Variants in ONECUT3 observed in about 807,000 individuals in gnomAD.
ONECUT3 encodes one cut domain family member 3.
A neutral mutation model predicts 16.8 loss-of-function variants in ONECUT3; 11 were observed. The observed-to-expected ratio is 0.66, with a 90% confidence interval of 0.41 to 1.09. The LOEUF is 1.09. Among genes scored for constraint, ONECUT3 ranks in the 50% least tolerant of loss-of-function variants. The pLI is 0.00. For missense variants in ONECUT3, 637 were observed against 629.9 expected, an observed-to-expected ratio of 1.01 and a Z score of -0.12; for synonymous variants, 344 against 310.7, an observed-to-expected ratio of 1.11 and a Z score of -1.13.
rs990617498 is a variant in ONECUT3, at chr19:1,762,919, A to G, written c.1192+8065A>G. Among the ~76,000 whole-genome samples the G allele has an allele frequency of 1.4e-4, 21 of 152,100 alleles. No individual in the cohort carries two copies. Among genetic ancestry groups the G allele is most frequent in the Non-Finnish European group, 8.8e-5 (6 of 68,000 alleles). On this transcript the variant is annotated intron_variant, in intron 1 of 1. Coordinates refer to ENST00000382349, the MANE Select transcript of ONECUT3 (RefSeq NM_001080488.2). The surrounding 1 kb of genome is among the most constrained non-coding windows in gnomAD (Gnocchi z 4.4). ...CTTGTTTTTGCTCCCTGGTTCCCTA[A>G]AATATTCTACATTCTTTTGGCCCGG... is the stretch of plus-strand genomic sequence containing the variant.
In ONECUT3 at chr19:1,770,171, T is replaced by C. The variant is rs1039143159; in HGVS notation, c.1193-4982T>C. Among the ~76,000 whole-genome samples, 9 of 152,308 alleles carry C rather than the reference T, an allele frequency of 5.9e-5. No individual in the cohort carries two copies. The East Asian group carries it at 1.2e-3, about 20-fold the overall frequency. On this transcript the variant is annotated intron_variant, in intron 1 of 1. Coordinates refer to ENST00000382349, the MANE Select transcript of ONECUT3 (RefSeq NM_001080488.2). The stretch of plus-strand genomic sequence containing the variant: ...ACTTTGGGAAGCTGAAGCTAGAGGA[T>C]TGCTTGAACCCAGGAGTTAGAGACC...
chr19:1,763,856 C>T (rs2067962450), intron 1 of ONECUT3, among the ~76,000 whole-genome samples: 1 of 151,878 alleles, frequency 6.6e-6, no homozygotes, highest in Admixed American at 6.6e-5. Flanking sequence ...TCTGACTCGG[C>T]GGTGGTTTCA....
In ONECUT3 at chr19:1,754,148, C is replaced by A; in HGVS notation, c.486C>A (p.Ala162=). Residue 162 remains alanine (A), a synonymous_variant, in exon 1 of 2, where the codon GCC becomes GCA. Transcript: ENST00000382349. This position sits in a 1 kb window ranked among gnomAD's most constrained non-coding sequence, Gnocchi z 7.4. ...PPPPPPQRLA[A]SVSGSFTLMR... Reference sequence around the variant, plus strand: ...CACCCCCGCCGCAGCGTCTGGCGGCCAGCGTGAGCGGCAGCTTCACCCTCA... The same window carrying A: ...CACCCCCGCCGCAGCGTCTGGCGGCAAGCGTGAGCGGCAGCTTCACCCTCA... The A allele has an allele frequency of 9.2e-7, 1 of 1,082,154 alleles. No homozygotes were observed. 67.0% of individuals were successfully genotyped at this position (1,082,154 alleles called of 1,614,324 possible).
chr19:1,757,931 G>A (rs1449541203), intron 1 of ONECUT3, among the ~76,000 whole-genome samples: 6 of 152,230 alleles, frequency 3.9e-5, no homozygotes, highest in African/African-American at 1.2e-4. Flanking sequence ...TTTCTACTCC[G>A]GCATCCCCAT....
intron 1 of ONECUT3, among the ~76,000 whole-genome samples, chr19:1,765,426 G>A (rs538199378): frequency 5.3e-5 from 8 of 152,278 alleles, no homozygotes; most frequent in East Asian, 1.9e-4. Context: ...AGTGGAGCCC[G>A]CGCCTCCCCT....
chr19:1,779,904 C>T lies in ONECUT3; in HGVS notation c.*4459C>T, dbSNP rs534429831. On this transcript the variant is annotated 3_prime_UTR_variant, in exon 2 of 2. Coordinates refer to ENST00000382349, the MANE Select transcript of ONECUT3 (RefSeq NM_001080488.2). Reference sequence around the variant, plus strand: ...TCCACCCGAGATGCCACCTGCCTGCCCCAGCCAGGCGGGAGCCACCGAGCG... The same window carrying T: ...TCCACCCGAGATGCCACCTGCCTGCTCCAGCCAGGCGGGAGCCACCGAGCG... 6.6e-6 allele frequency: 1 copy of T among 152,066 alleles called. No individual in the cohort carries two copies. The highest frequency in any genetic ancestry group is 1.5e-5 in the Non-Finnish European group (1 of 68,048). The allele number at this position is 152,066 out of a possible 1,614,324, so 9.4% of individuals were successfully genotyped here. A position where few individuals can be genotyped will look rare whatever the true frequency, so the allele number is the denominator to read the frequency against.
rs2068106407 is a variant in ONECUT3 at position 1,776,150 on chromosome 19, C to T, written c.*705C>T. 1 of 152,172 alleles carries T rather than the reference C, an allele frequency of 6.6e-6. No homozygotes were observed. The highest frequency in any genetic ancestry group is 1.5e-5 in the Non-Finnish European group (1 of 68,084). 9.4% of individuals were successfully genotyped at this position (152,172 alleles called of 1,614,324 possible). A position where few individuals can be genotyped will look rare whatever the true frequency, so the allele number is the denominator to read the frequency against. On this transcript the variant is annotated 3_prime_UTR_variant, in exon 2 of 2. Coordinates refer to ENST00000382349, the MANE Select transcript of ONECUT3 (RefSeq NM_001080488.2). This position sits in a 1 kb window ranked among gnomAD's most constrained non-coding sequence, Gnocchi z 4.9. ...GGGGCCTGCGGCGGGCGCCCAGCAC[C>T]TACGGGCGAGCACCCTTCCCACCCC...
chr19:1,772,818 C>T (rs986393089), intron 1 of ONECUT3, among the ~76,000 whole-genome samples: 7 of 150,598 alleles, frequency 4.6e-5, no homozygotes, highest in South Asian at 2.1e-4. Context: ...CTCAGCCTCC[C>T]GAGTAGCTGG....
chr19:1,772,038 G>A (rs976381157), intron 1 of ONECUT3, among the ~76,000 whole-genome samples: 2 of 140,594 alleles, frequency 1.4e-5, no homozygotes, highest in Admixed American at 7.2e-5. Flanking sequence ...TTTTTGAGAC[G>A]GAGTCTCGCT....
At chr19:1,763,799 T>A (rs1463185802) in intron 1 of ONECUT3, among the ~76,000 whole-genome samples, 3 of 150,334 alleles carry the variant, frequency 2.0e-5, no homozygotes, top group Non-Finnish European at 4.4e-5. Context: ...CCGGCTCAGA[T>A]CCGTGAAGCG....
At position 1,778,891 on chromosome 19, in the gene ONECUT3, C is replaced by CACACACACACACACACACACACAT. The variant is rs2068133297; in HGVS notation, c.*3468_*3469insATACACACACACACACACACACAC. The CACACACACACACACACACACACAT allele has an allele frequency of 3.3e-5, 5 of 150,818 alleles. No homozygotes were observed. Among genetic ancestry groups the CACACACACACACACACACACACAT allele is most frequent in the African/African-American group, 1.2e-4 (5 of 40,518 alleles). 9.3% of individuals were successfully genotyped at this position (150,818 alleles called of 1,614,324 possible). On this transcript the variant is annotated 3_prime_UTR_variant, in exon 2 of 2. Coordinates refer to ENST00000382349, the MANE Select transcript of ONECUT3 (RefSeq NM_001080488.2). ...TCACACACACACACACACACACACACACACACACACACACACACACACCCC... is the reference window on the plus strand; with the variant it reads ...TCACACACACACACACACACACACACACACACACACACACACACACACATACACACACACACACACACACACCCC...
Position 1,779,789 on chromosome 19 carries a change from T to A in ONECUT3, c.*4344T>A, listed in dbSNP as rs1201520686. Reference sequence around the variant, plus strand: ...TTCTTTCCTCCTTTCTAAGGAACTGTGTCCAGCCGGGACAGGTGGACGGGG... The same window carrying A: ...TTCTTTCCTCCTTTCTAAGGAACTGAGTCCAGCCGGGACAGGTGGACGGGG... On this transcript the variant is annotated 3_prime_UTR_variant, in exon 2 of 2. Coordinates refer to ENST00000382349, the MANE Select transcript of ONECUT3 (RefSeq NM_001080488.2). 6.6e-6 allele frequency: 1 copy of A among 152,042 alleles called. No individual in the cohort carries two copies. The highest frequency in any genetic ancestry group is 1.5e-5 in the Non-Finnish European group (1 of 68,072). 9.4% of individuals were successfully genotyped at this position (152,042 alleles called of 1,614,324 possible).
At chr19:1,756,261 C>T (rs1006284567) in intron 1 of ONECUT3, among the ~76,000 whole-genome samples, 2 of 152,214 alleles carry the variant, frequency 1.3e-5, no homozygotes, top group African/African-American at 4.8e-5. Context: ...GCAGAGCAAG[C>T]AAGGTGACTA....
rs1458686991 is a variant in ONECUT3 at position 1,777,020 on chromosome 19, G to C, written c.*1575G>C. On this transcript the variant is annotated 3_prime_UTR_variant, in exon 2 of 2. Transcript: ENST00000382349. ...GCCACCCCTTCCCGAACCTGAGAGC[G>C]AAAGAGAGAGAGAGAGAGAGGGAGA... The C allele has an allele frequency of 3.4e-5, 4 of 119,072 alleles. No homozygotes were observed. In the East Asian group the frequency reaches 1.0e-3, roughly 30 times the overall value. The allele number at this position is 119,072 out of a possible 1,614,324, so 7.4% of individuals were successfully genotyped here. A position where few individuals can be genotyped will look rare whatever the true frequency, so the allele number is the denominator to read the frequency against.
At chr19:1,768,316 CAG>C (rs2068012485) in intron 1 of ONECUT3, among the ~76,000 whole-genome samples, 1 of 151,942 alleles carries the variant, frequency 6.6e-6, no homozygotes, top group African/African-American at 2.4e-5. Flanking sequence ...AGCAACCAGG[CAG>C]AGAGAACCGT....
Position 1,778,866 on chromosome 19 carries a change from T to TCTCACACACA in ONECUT3, c.*3422_*3423insTCACACACAC, listed in dbSNP as rs1286026306. ...TGGATCCTTTTCAGATATCTTCGTA[T>TCTCACACACA]CACACACACACACACACACACACAC... is the stretch of plus-strand genomic sequence containing the variant. On this transcript the variant is annotated 3_prime_UTR_variant, in exon 2 of 2. Transcript: ENST00000382349. The TCTCACACACA allele has an allele frequency of 4.5e-5, 6 of 132,382 alleles. No homozygotes were observed. The highest frequency in any genetic ancestry group is 2.3e-4 in the East Asian group (1 of 4,382). 8.2% of individuals were successfully genotyped at this position (132,382 alleles called of 1,614,324 possible).
rs576529603 is a variant in ONECUT3 at position 1,753,548 on chromosome 19, C to G, written c.-115C>G. The G allele has an allele frequency of 0.013, 4,054 of 317,092 alleles. 154 individuals are homozygous for G. Among genetic ancestry groups the G allele is most frequent in the African/African-American group, 0.085 (3,795 of 44,468 alleles). 19.6% of individuals were successfully genotyped at this position (317,092 alleles called of 1,614,324 possible). ...CTCGCAGCCGGGCCGGGCCGTGCGC[C>G]GCGCAGCCTGGCAGCCTCGCGCGCA... On this transcript the variant is annotated 5_prime_UTR_variant, in exon 1 of 2. Transcript: ENST00000382349.
Position 1,754,829 on chromosome 19 carries a change from G to C in ONECUT3, c.1167G>C (p.Gln389His), listed in dbSNP as rs770688661. 5.2e-5 allele frequency: 79 copies of C among 1,526,160 alleles called. No homozygotes were observed. The highest frequency in any genetic ancestry group is 6.1e-5 in the Non-Finnish European group (69 of 1,135,106). 94.5% of individuals were successfully genotyped at this position (1,526,160 alleles called of 1,614,324 possible). A position where few individuals can be genotyped will look rare whatever the true frequency, so the allele number is the denominator to read the frequency against. Reference protein sequence around the residue: ...MWKWLQEPEFQRMSALRLAAC... With the variant: ...MWKWLQEPEFHRMSALRLAAC... ...AGTGGCTGCAGGAGCCAGAGTTCCA[G>C]CGCATGTCGGCGCTGCGCTTGGCAG... Residue 389 changes from glutamine to histidine, a missense_variant, in exon 1 of 2, where the codon CAG becomes CAC. By Grantham distance (24) the Gln-to-His change is conservative. Coordinates refer to ENST00000382349, the MANE Select transcript of ONECUT3 (RefSeq NM_001080488.2). The surrounding 1 kb of genome is among the most constrained non-coding windows in gnomAD (Gnocchi z 7.4).
At position 1,754,348 on chromosome 19, in the gene ONECUT3, G is replaced by T. The variant is rs2067905116; in HGVS notation, c.686G>T (p.Gly229Val). The T allele has an allele frequency of 1.9e-6, 2 of 1,079,904 alleles. No individual in the cohort carries two copies. Among genetic ancestry groups the T allele is most frequent in the East Asian group, 1.8e-4 (2 of 11,372 alleles). The allele number at this position is 1,079,904 out of a possible 1,614,324, so 66.9% of individuals were successfully genotyped here. A position where few individuals can be genotyped will look rare whatever the true frequency, so the allele number is the denominator to read the frequency against. Residue 229 changes from glycine to valine, a missense_variant, in exon 1 of 2, where the codon GGC becomes GTC. Physicochemically the swap from Gly to Val is moderately radical, Grantham distance 109. Transcript: ENST00000382349. The surrounding 1 kb of genome is among the most constrained non-coding windows in gnomAD (Gnocchi z 7.4). ...CCACCCCCGCCGCTGGCCGCCTACG[G>T]CCCGCCAGGCCACCTGGCTGGGGAC... ...PPPPPPLAAY[G>V]PPGHLAGDKL...
Sources: gnomAD v4.1 joint callset for allele counts (sites outside exome capture counted in the v4.1 genomes callset) on GRCh38, gnomAD v4.1.1 for gene constraint, Gnocchi (gnomAD v3.1) non-coding constraint, MANE v1.5 for transcripts, NCBI Gene and HGNC (gene_info 2026-07-23, HGNC 2026-07-21) for gene names.